VDAC2: variants seen among roughly 807,000 people sequenced by gnomAD.
VDAC2 encodes non-selective voltage-gated ion channel VDAC2.
Under a neutral mutation model 36.6 loss-of-function variants are expected in VDAC2, and 6 were observed. That is an observed-to-expected ratio of 0.16 (90% CI 0.09 to 0.32). The LOEUF is 0.32. Among genes scored for constraint, VDAC2 ranks in the 10% least tolerant of loss-of-function variants. The probability of loss-of-function intolerance (pLI) is 1.00; values close to 1 mark genes in which losing one functional copy is unlikely to be tolerated. For missense variants in VDAC2, 247 were observed against 346.0 expected, an observed-to-expected ratio of 0.71 and a Z score of 2.27; for synonymous variants, 109 against 123.8, an observed-to-expected ratio of 0.88 and a Z score of 0.79.
At chr10:75,210,225 G>A (rs1412238274), upstream of VDAC2, 1 of 152,642 alleles carries the variant, frequency 6.6e-6, no homozygotes, top group Non-Finnish European at 1.5e-5. Context: ...GGGAAAAGAG[G>A]GCAGAAGAGC....
intron 7 of VDAC2, 90 bp from the exon 8 acceptor site, chr10:75,222,162 T>G: frequency 1.4e-6 from 2 of 1,386,568 alleles, no homozygotes. Flanking sequence ...GCTGTGGTTT[T>G]TTATTTAAAT....
chr10:75,214,258 T>C (rs1841528338), intron 4 of VDAC2, among the ~76,000 whole-genome samples, 188 bp downstream of exon 4: 1 of 152,246 alleles, frequency 6.6e-6, no homozygotes, highest in South Asian at 2.1e-4. Context: ...TCATGTGGTC[T>C]TTCGTCATAT....
intron 4 of VDAC2, 61 bp from the exon 5 acceptor site, chr10:75,219,001 TA>T: frequency 6.5e-7 from 1 of 1,535,810 alleles, no homozygotes. Flanking sequence ...TGTGCGTGTG[TA>T]AGGCAGTGAT....
chr10:75,222,171 A>T, intron 7 of VDAC2, 81 bp from the exon 8 acceptor site: 1 of 1,413,788 alleles, frequency 7.1e-7, no homozygotes. Flanking sequence ...TTTTATTTAA[A>T]TGTAATGCTA....
At chr10:75,229,928 T>C (rs1364611792) in intron 9 of VDAC2, among the ~76,000 whole-genome samples, 1 of 151,990 alleles carries the variant, frequency 6.6e-6, no homozygotes, top group Non-Finnish European at 1.5e-5. Flanking sequence ...GGCCCGTCTC[T>C]TCTTTTCTGC....
intron 4 of VDAC2, among the ~76,000 whole-genome samples, chr10:75,215,689 T>C (rs748361564): frequency 1.3e-5 from 2 of 150,846 alleles, no homozygotes; most frequent in African/African-American, 4.9e-5. Context: ...GTAACTGATA[T>C]TTATTTAATC....
chr10:75,222,353 G>A lies in VDAC2; in HGVS notation c.686G>A (p.Arg229His), dbSNP rs975718590. 23 of 1,614,008 alleles carry A rather than the reference G, an allele frequency of 1.4e-5. No homozygotes were observed. The highest frequency in any genetic ancestry group is 6.7e-5 in the Admixed American group (4 of 59,988). ...LAWTSGTNCT[R>H]FGIAAKYQLD... is the part of the protein sequence containing the mutation. ...TGGACATCAGGTACCAACTGCACTC[G>A]TTTTGGCATTGCAGCTAAATATCAG... Residue 229 changes from arginine (R) to histidine (H), a missense_variant, in exon 8 of 10, where the codon CGT (arginine) becomes CAT (histidine). This residue lies in a region of VDAC2 where 159 missense variants were observed against 234.0 expected (regional missense o/e 0.68). Transcript: ENST00000332211.
In VDAC2 at chr10:75,227,561, C is replaced by A. The variant is rs1373659393; in HGVS notation, c.736-2083C>A. 6.9e-5 allele frequency among the ~76,000 whole-genome samples: 10 copies of A among 144,220 alleles called. No homozygotes were observed. In the Admixed American group the frequency reaches 7.0e-4, roughly 10 times the overall value. The allele number at this position is 144,220 out of a possible 152,430, so 94.6% of individuals were successfully genotyped here. A position where few individuals can be genotyped will look rare whatever the true frequency, so the allele number is the denominator to read the frequency against. On this transcript the variant is annotated intron_variant, in intron 8 of 9. Coordinates refer to ENST00000332211, the MANE Select transcript of VDAC2 (RefSeq NM_001391963.1). ...TCACAGTTTCATGGTTTAACTCTTA[C>A]TGTTAAATAATAGGAATTTTTTTTT...
chr10:75,223,786 G>A (rs116704663), intron 8 of VDAC2, among the ~76,000 whole-genome samples: 3,277 of 152,236 alleles, frequency 0.022, 134 homozygotes, highest in African/African-American at 0.074. Flanking sequence ...GAGAGGGGCT[G>A]TAGGTTTAAT....
rs368985132 is a variant in VDAC2, at chr10:75,228,436, A to T, written c.736-1208A>T. On this transcript the variant is annotated intron_variant, in intron 8 of 9. Coordinates refer to ENST00000332211, the MANE Select transcript of VDAC2 (RefSeq NM_001391963.1). ...TCATACCAAGCTAGGAAAATTTTGTACAGACAGACAGGGGTCTCACCGTGT... is the reference window on the plus strand; with the variant it reads ...TCATACCAAGCTAGGAAAATTTTGTTCAGACAGACAGGGGTCTCACCGTGT... Among the ~76,000 whole-genome samples the T allele has an allele frequency of 4.0e-5, 6 of 151,386 alleles. No homozygotes were observed. The East Asian group carries it at 1.2e-3, about 30-fold the overall frequency.
At chr10:75,218,979 G>C (rs918921634) in intron 4 of VDAC2, 84 bp from the exon 5 acceptor site, 1 of 1,369,226 alleles carries the variant, frequency 7.3e-7, no homozygotes, top group Non-Finnish European at 9.9e-7. Flanking sequence ...TGTTTCAGGG[G>C]GTTTGTGTGT....
At chr10:75,228,667 T>C (rs1402300161) in intron 8 of VDAC2, among the ~76,000 whole-genome samples, 4 of 152,252 alleles carry the variant, frequency 2.6e-5, no homozygotes, top group Non-Finnish European at 4.4e-5. Context: ...CATTTCTTTC[T>C]CTGGATTGGG....
At chr10:75,219,854 G>A (rs1316010198) in intron 6 of VDAC2, among the ~76,000 whole-genome samples, 9 of 148,750 alleles carry the variant, frequency 6.1e-5, no homozygotes, top group African/African-American at 2.0e-4. Flanking sequence ...TTGGGACAGA[G>A]TCTTACTCTG....
intron 4 of VDAC2, among the ~76,000 whole-genome samples, chr10:75,215,426 A>G (rs1361984859): frequency 6.7e-6 from 1 of 150,358 alleles, no homozygotes; most frequent in Admixed American, 6.6e-5. Flanking sequence ...ATCTCAGCTC[A>G]CTGCAAGCTC....
intron 6 of VDAC2, 26 bp from the exon 7 acceptor site, chr10:75,220,717 A>T (rs200467805): frequency 1.3e-6 from 2 of 1,589,232 alleles, no homozygotes; most frequent in Non-Finnish European, 1.7e-6. Flanking sequence ...ATTTTTCCCA[A>T]TGACATCAGT....
chr10:75,211,707 T>G, intron 2 of VDAC2: 2 of 1,542,552 alleles, frequency 1.3e-6, no homozygotes, highest in Non-Finnish European at 1.8e-6. Flanking sequence ...GACATTTGAG[T>G]GAAACACACA....
intron 9 of VDAC2, among the ~76,000 whole-genome samples, chr10:75,230,019 G>A (rs1267830728): frequency 6.6e-6 from 1 of 152,046 alleles, no homozygotes; most frequent in Non-Finnish European, 1.5e-5. Context: ...TTCCTCGCTT[G>A]TATCTGAAAT....
chr10:75,211,080 A>C, intron 1 of VDAC2, 54 bp from the exon 2 acceptor site: 7 of 1,489,722 alleles, frequency 4.7e-6, no homozygotes, highest in Non-Finnish European at 6.4e-6. Context: ...TCTGCCCGGG[A>C]TCTCCCTTTG....
intron 4 of VDAC2, among the ~76,000 whole-genome samples, chr10:75,215,951 A>G (rs1742500256): frequency 6.6e-6 from 1 of 150,534 alleles, no homozygotes; most frequent in South Asian, 2.1e-4. Context: ...TAAACTCCTG[A>G]CCTCAAGTGA....
Sources: allele counts gnomAD v4.1 joint callset (sites outside exome capture counted in the v4.1 genomes callset), GRCh38; gene constraint gnomAD v4.1.1; regional missense constraint gnomAD v4.1.1; transcripts MANE v1.5; gene names NCBI Gene and HGNC (gene_info 2026-07-23, HGNC 2026-07-21).